Variants in PITPNC1 observed in about 807,000 individuals in gnomAD.
PITPNC1 encodes phosphatidylinositol transfer protein cytoplasmic 1, also known as cytoplasmic phosphatidylinositol transfer protein 1.
A neutral mutation model predicts 44.7 loss-of-function variants in PITPNC1; 18 were observed. The observed-to-expected ratio is 0.40, with a 90% confidence interval of 0.28 to 0.60. The LOEUF (loss-of-function observed/expected upper bound fraction) is 0.60. Among genes scored for constraint, PITPNC1 ranks in the 20% least tolerant of loss-of-function variants. The probability of loss-of-function intolerance (pLI) is 0.39; values close to 1 mark genes in which losing one functional copy is unlikely to be tolerated. For missense variants in PITPNC1, 290 were observed against 418.4 expected, an observed-to-expected ratio of 0.69 and a Z score of 2.68; for synonymous variants, 141 against 149.6, an observed-to-expected ratio of 0.94 and a Z score of 0.42.
rs532305847 is a variant in PITPNC1 at position 67,647,501 on chromosome 17, C to T, written c.462+15263C>T. ...TTTTTTTTTTTTTTTTTTGTAGAGA[C>T]GGGGTTTCACCATGTTAGGTTTCCC... On this transcript the variant is annotated intron_variant, in intron 6 of 8. Coordinates refer to ENST00000581322, the MANE Select transcript of PITPNC1 (RefSeq NM_012417.4). Among the ~76,000 whole-genome samples the T allele has an allele frequency of 6.6e-3, 531 of 79,988 alleles. 4 individuals are homozygous for T. The highest frequency in any genetic ancestry group is 0.037 in the Middle Eastern group (3 of 82). The allele number at this position is 79,988 out of a possible 152,430, so 52.5% of individuals were successfully genotyped here. A position where few individuals can be genotyped will look rare whatever the true frequency, so the allele number is the denominator to read the frequency against.
intron 8 of PITPNC1, among the ~76,000 whole-genome samples, chr17:67,689,449 A>T (rs1427026951): frequency 6.6e-6 from 1 of 152,056 alleles, no homozygotes; most frequent in Non-Finnish European, 1.5e-5. Flanking sequence ...GAATTCCGTG[A>T]AATTGGAGCA....
intron 1 of PITPNC1, among the ~76,000 whole-genome samples, chr17:67,491,347 G>A (rs968849632): frequency 6.6e-6 from 1 of 152,206 alleles, no homozygotes; most frequent in African/African-American, 2.4e-5. Context: ...TCACAATGCC[G>A]GGCCGTTCAT....
intron 1 of PITPNC1, among the ~76,000 whole-genome samples, chr17:67,482,153 T>C (rs550994045): frequency 6.6e-6 from 1 of 152,376 alleles, no homozygotes; most frequent in Admixed American, 6.5e-5. Flanking sequence ...TCATTTATTG[T>C]AATTCTTTGT....
chr17:67,529,585 C>T (rs2040434135), intron 1 of PITPNC1, among the ~76,000 whole-genome samples: 2 of 152,204 alleles, frequency 1.3e-5, no homozygotes, highest in South Asian at 4.1e-4. Flanking sequence ...GAAGGAACCC[C>T]TGCACCTGTT....
intron 8 of PITPNC1, among the ~76,000 whole-genome samples, chr17:67,677,599 G>A (rs868627973): frequency 1.3e-4 from 19 of 150,566 alleles, no homozygotes; most frequent in African/African-American, 3.9e-4. Flanking sequence ...ACAGAGTCTC[G>A]CACTGTCGTA....
chr17:67,435,443 T>G (rs553253926), intron 1 of PITPNC1, among the ~76,000 whole-genome samples: 2 of 152,324 alleles, frequency 1.3e-5, no homozygotes, highest in South Asian at 4.1e-4. Context: ...ATTGAATGCC[T>G]TCTTCCAGGC....
At chr17:67,518,438 A>G (rs547367821) in intron 1 of PITPNC1, among the ~76,000 whole-genome samples, 1 of 143,830 alleles carries the variant, frequency 7.0e-6, no homozygotes, top group Admixed American at 7.0e-5. Flanking sequence ...TCAGGACCCT[A>G]CTGATTGACT....
intron 1 of PITPNC1, among the ~76,000 whole-genome samples, chr17:67,496,872 C>T (rs569172851): frequency 6.6e-6 from 1 of 152,118 alleles, no homozygotes; most frequent in East Asian, 1.9e-4. Context: ...CTTCTTTCCG[C>T]CCTCCCAATT....
intron 1 of PITPNC1, chr17:67,525,501 T>C (rs944474232): frequency 6.6e-6 from 1 of 152,246 alleles, no homozygotes; most frequent in African/African-American, 2.4e-5. Context: ...GCCTTAGCTG[T>C]GCTGTGGGAT....
intron 4 of PITPNC1, among the ~76,000 whole-genome samples, chr17:67,562,050 C>G (rs1162604135): frequency 6.6e-6 from 1 of 152,226 alleles, no homozygotes; most frequent in African/African-American, 2.4e-5. Flanking sequence ...ATCGTATGAG[C>G]CTGAATTTCG....
At chr17:67,505,822 A>G (rs1014811634) in intron 1 of PITPNC1, among the ~76,000 whole-genome samples, 2 of 152,158 alleles carry the variant, frequency 1.3e-5, no homozygotes, top group Non-Finnish European at 2.9e-5. Context: ...TAGCCTTTGC[A>G]TGTGTTACGC....
intron 4 of PITPNC1, among the ~76,000 whole-genome samples, chr17:67,556,718 T>C (rs2570048): frequency 0.076 from 11,520 of 152,220 alleles, 879 homozygotes; most frequent in African/African-American, 0.2. Context: ...TGGACAGGTC[T>C]GAGACTAACA....
intron 5 of PITPNC1, among the ~76,000 whole-genome samples, chr17:67,619,096 T>C (rs1226688041): frequency 2.6e-5 from 4 of 152,134 alleles, no homozygotes; most frequent in Non-Finnish European, 5.9e-5. Flanking sequence ...TAAAAACATC[T>C]AGTTCCTGAG....
chr17:67,595,706 C>G (rs1203645619), intron 5 of PITPNC1, among the ~76,000 whole-genome samples: 1 of 152,134 alleles, frequency 6.6e-6, no homozygotes, highest in African/African-American at 2.4e-5. Flanking sequence ...TAATATTAAG[C>G]TATTAAATCA....
chr17:67,433,603 C>G (rs896122230), intron 1 of PITPNC1, among the ~76,000 whole-genome samples: 1 of 152,078 alleles, frequency 6.6e-6, no homozygotes, highest in Non-Finnish European at 1.5e-5. Context: ...CCCAGCTACT[C>G]GGGAGGCTGA....
chr17:67,677,611 G>A (rs1240670950), intron 8 of PITPNC1, among the ~76,000 whole-genome samples: 1 of 150,944 alleles, frequency 6.6e-6, no homozygotes. Context: ...ACTGTCGTAC[G>A]GACTGGAGTG....
intron 1 of PITPNC1, among the ~76,000 whole-genome samples, chr17:67,385,162 G>A (rs541664110): frequency 6.6e-6 from 1 of 152,274 alleles, no homozygotes; most frequent in African/African-American, 2.4e-5. Context: ...TGTCTTACAA[G>A]AGGATTGTAA....
intron 1 of PITPNC1, among the ~76,000 whole-genome samples, chr17:67,527,171 G>T (rs1199511736): frequency 6.6e-6 from 1 of 152,084 alleles, no homozygotes; most frequent in Non-Finnish European, 1.5e-5. Flanking sequence ...AGAGGCAGTA[G>T]CTTTCTGCCA....
chr17:67,634,173 A>G (rs1359507998), intron 6 of PITPNC1, among the ~76,000 whole-genome samples: 1 of 152,140 alleles, frequency 6.6e-6, no homozygotes, highest in Non-Finnish European at 1.5e-5. Flanking sequence ...TGGGTCCTAG[A>G]GTATTCTTCC....
Sources: gnomAD v4.1 joint callset for allele counts (sites outside exome capture counted in the v4.1 genomes callset) on GRCh38, gnomAD v4.1.1 for gene constraint, MANE v1.5 for transcripts, NCBI Gene and HGNC (gene_info 2026-07-23, HGNC 2026-07-21) for gene names.